Variants in TBC1D10C observed in about 807,000 individuals in gnomAD.
TBC1D10C encodes the protein TBC1 domain family member 10C, also known as carabin.
Under a neutral mutation model 51.0 loss-of-function variants are expected in TBC1D10C, and 49 were observed. The ratio of observed to expected loss-of-function variants is 0.96; its 90% CI spans 0.76 to 1.22. The LOEUF (loss-of-function observed/expected upper bound fraction) is 1.22, where lower values mean the gene tolerates loss of function less well. TBC1D10C is among the 50% of genes most tolerant of loss of function. The probability of loss-of-function intolerance (pLI) is 0.00; values close to 1 mark genes in which losing one functional copy is unlikely to be tolerated. For synonymous variants in TBC1D10C, 281 were observed against 266.7 expected (o/e 1.05, Z -0.52); for missense variants, 541 against 617.5 (o/e 0.88, Z 1.31).
chr11:67,408,844 C>A, intron 7 of TBC1D10C, 135 bp from the exon 8 acceptor site: 2 of 1,205,612 alleles, frequency 1.7e-6, no homozygotes, highest in Non-Finnish European at 2.2e-6. Context: ...TGCAACTCCA[C>A]CCTCTGTCAT....
At position 67,409,604 on chromosome 11, in the gene TBC1D10C, GC is replaced by G. The variant is rs1254637311; in HGVS notation, c.1196del (p.Pro399ArgfsTer22). ...CTGAGGTGCCTCGGATTGTGGTGCAGCCCCCGGAGGAGCCCAGACCACCGCG... is the reference window on the plus strand; with the variant it reads ...CTGAGGTGCCTCGGATTGTGGTGCAGCCCCGGAGGAGCCCAGACCACCGCG... ...KPEVPRIVVQ[P>X]PEEPRPPRRK... On this transcript the variant is annotated frameshift_variant, in exon 9 of 9. Coordinates refer to ENST00000542590, the MANE Select transcript of TBC1D10C (RefSeq NM_001369496.1). LOFTEE classifies it high-confidence loss of function. 3 of 1,552,056 alleles carry G rather than the reference GC, an allele frequency of 1.9e-6. No homozygotes were observed. The highest frequency in any genetic ancestry group is 2.4e-5 in the East Asian group (1 of 41,480).
Position 67,409,694 on chromosome 11 carries a change from C to CA in TBC1D10C, c.1282dup (p.Ile428AsnfsTer26). 1 of 1,596,242 alleles carries CA rather than the reference C, an allele frequency of 6.3e-7. No homozygotes were observed. Among genetic ancestry groups the CA allele is most frequent in the Non-Finnish European group, 8.5e-7 (1 of 1,177,958 alleles). Reference sequence around the variant, plus strand: ...TCCTGACTCGGGCCCGGGGCCCCCCCATCGAGGGGCCCCCCAGGCCCCAAC... The same window carrying CA: ...TCCTGACTCGGGCCCGGGGCCCCCCCAATCGAGGGGCCCCCCAGGCCCCAAC... On this transcript the variant is annotated frameshift_variant, in exon 9 of 9. Coordinates refer to ENST00000542590, the MANE Select transcript of TBC1D10C (RefSeq NM_001369496.1). LOFTEE classifies it high-confidence loss of function.
intron 1 of TBC1D10C, 58 bp from the exon 2 acceptor site, chr11:67,405,027 G>A (rs1863085744): frequency 6.8e-6 from 10 of 1,480,940 alleles, no homozygotes; most frequent in Non-Finnish European, 9.1e-6. Context: ...GAGGGTGGCA[G>A]TGTGGGCCTT....
At chr11:67,407,660 G>A (rs1239676534) in intron 7 of TBC1D10C, 1 of 152,612 alleles carries the variant, frequency 6.6e-6, no homozygotes, top group South Asian at 2.1e-4. Context: ...TGAAGCCAGA[G>A]AGGTGGAGGC....
chr11:67,405,357 G>A, intron 2 of TBC1D10C, 42 bp from the exon 3 acceptor site: 1 of 1,595,548 alleles, frequency 6.3e-7, no homozygotes, highest in Non-Finnish European at 8.6e-7. Context: ...GCCAGCAGGA[G>A]CTATGGAGGC....
In TBC1D10C at chr11:67,409,016, G is replaced by A. The variant is rs976764282; in HGVS notation, c.876G>A (p.Val292=). 3 of 1,573,478 alleles carry A rather than the reference G, an allele frequency of 1.9e-6. No homozygotes were observed. The highest frequency in any genetic ancestry group is 4.7e-5 in the East Asian group (2 of 42,560). The stretch of plus-strand genomic sequence containing the variant: ...TGTTCCGTGTGGGGCTGACACTGGT[G>A]CGCCTGGCGCTGGGCACTGCAGAGC... ...RVLFRVGLTL[V]RLALGTAEQR... The change falls in exon 8 of 9, where the codon GTG becomes GTA. Residue 292 remains valine (V), a synonymous_variant. Transcript: ENST00000542590.
Position 67,409,076 on chromosome 11 carries a change from G to A in TBC1D10C, c.936G>A (p.Leu312=), listed in dbSNP as rs2135050987. The A allele has an allele frequency of 6.2e-7, 1 of 1,604,278 alleles. No homozygotes were observed. Among genetic ancestry groups the A allele is most frequent in the Non-Finnish European group, 8.5e-7 (1 of 1,176,942 alleles). Residue 312 remains leucine (L), a synonymous_variant, in exon 8 of 9, where the codon CTG becomes CTA. Transcript: ENST00000542590. ...RGACPGLLET[L]GALRAIPPAQ... ...CCTGCCCTGGCCTCCTGGAGACACT[G>A]GGAGCCCTTCGAGCCATCCCCCCCG...
intron 1 of TBC1D10C, 59 bp downstream of exon 1, chr11:67,404,413 C>A: frequency 6.8e-7 from 1 of 1,465,640 alleles, no homozygotes; most frequent in Non-Finnish European, 9.1e-7. Flanking sequence ...GGGCTGAGGG[C>A]TGAATTCTGG....
intron 7 of TBC1D10C, 84 bp downstream of exon 7, chr11:67,407,100 G>A: frequency 6.9e-7 from 1 of 1,456,266 alleles, no homozygotes; most frequent in East Asian, 2.3e-5. Flanking sequence ...TTCCCTTTTT[G>A]AGCCTCAAAT....
rs1209367412 is a variant in TBC1D10C at position 67,409,480 on chromosome 11, C to T, written c.1067C>T (p.Ser356Phe). The T allele has an allele frequency of 1.3e-6, 2 of 1,548,780 alleles. No individual in the cohort carries two copies. The highest frequency in any genetic ancestry group is 1.7e-6 in the Non-Finnish European group (2 of 1,146,428). The change falls in exon 9 of 9, where the codon TCC becomes TTC. Residue 356 changes from serine to phenylalanine, a missense_variant. Transcript: ENST00000542590. ...GCCCAGCTGGCCCAGCTGCCCGATT[C>T]CGCGCCGGGACCCCCGCCCCGGCCA... Reference protein sequence around the residue: ...IKAQLAQLPDSAPGPPPRPQV... With the variant: ...IKAQLAQLPDFAPGPPPRPQV...
chr11:67,409,758 G>C lies in TBC1D10C; in HGVS notation c.*4G>C. On this transcript the variant is annotated 3_prime_UTR_variant, in exon 9 of 9. Coordinates refer to ENST00000542590, the MANE Select transcript of TBC1D10C (RefSeq NM_001369496.1). ...CTTCCTGGACACCCGCTTCTGAGAG[G>C]ACCATGGACTTAGTGTCCCCCAGTC... is the stretch of plus-strand genomic sequence containing the variant. 1 of 1,574,090 alleles carries C rather than the reference G, an allele frequency of 6.4e-7. No homozygotes were observed. The highest frequency in any genetic ancestry group is 8.5e-7 in the Non-Finnish European group (1 of 1,172,124).
rs201081455 is a variant in TBC1D10C at position 67,405,120 on chromosome 11, G to A, written c.188G>A (p.Arg63Gln). The change falls in exon 2 of 9, where the codon CGG becomes CAG. Residue 63 changes from arginine (R) to glutamine (Q), a missense_variant. Arg to Gln is a conservative substitution (Grantham distance 43). Transcript: ENST00000542590. ...GHPPADLIRQ[R>Q]EMKWVEMTSH... ...CCACCTGCAGACCTCATCCGCCAAC[G>A]GGAGATGAAGTGGGTGGAGATGACC... 7.8e-5 allele frequency: 121 copies of A among 1,551,430 alleles called. No homozygotes were observed. Among genetic ancestry groups the A allele is most frequent in the Middle Eastern group, 3.3e-4 (2 of 5,976 alleles).
intron 7 of TBC1D10C, 178 bp downstream of exon 7, chr11:67,407,194 C>A: frequency 1.3e-6 from 1 of 765,202 alleles, no homozygotes; most frequent in Non-Finnish European, 2.0e-6. Flanking sequence ...CCGCCTGGTG[C>A]AGAGCTGGGC....
chr11:67,405,052 C>T (rs1254267159), intron 1 of TBC1D10C, 33 bp from the exon 2 acceptor site: 2 of 1,537,710 alleles, frequency 1.3e-6, no homozygotes, highest in African/African-American at 2.7e-5. Flanking sequence ...AACAGCTGCC[C>T]AGCGTCTGGA....
In TBC1D10C at chr11:67,405,476, G is replaced by A. The variant is rs1863114990; in HGVS notation, c.330G>A (p.Val110=). 6.2e-7 allele frequency: 1 copy of A among 1,613,294 alleles called. No individual in the cohort carries two copies. The highest frequency in any genetic ancestry group is 1.3e-5 in the African/African-American group (1 of 74,790). ...GGCCCCTGTTGTGTGGGGCCCATGT[G>A]TGCCAGAAGAACAGCCCTGGCACCT... is the stretch of plus-strand genomic sequence containing the variant. The part of the protein sequence containing the change: ...RCWPLLCGAH[V]CQKNSPGTYQ... Residue 110 remains valine (V), a synonymous_variant, in exon 3 of 9, where the codon GTG becomes GTA. Transcript: ENST00000542590.
chr11:67,406,438 CCT>C, intron 5 of TBC1D10C, 187 bp from the exon 6 acceptor site: 2 of 607,156 alleles, frequency 3.3e-6, no homozygotes, highest in East Asian at 2.8e-5. Flanking sequence ...CTCAGCAGAC[CCT>C]GTCTTGGGCA....
Position 67,405,654 on chromosome 11 carries a change from C to T in TBC1D10C, c.420C>T (p.His140=), listed in dbSNP as rs112741882. The T allele has an allele frequency of 4.5e-5, 73 of 1,613,856 alleles. 1 individual carries two copies. Among genetic ancestry groups the T allele is most frequent in the African/African-American group, 2.4e-4 (18 of 75,042 alleles). ...QWMETIGRDL[H]RQFPLHEMFV... ...TGGAGACCATTGGCAGGGACCTGCACCGTCAATTCCCTCTGCACGAGATGT... is the reference window on the plus strand; with the variant it reads ...TGGAGACCATTGGCAGGGACCTGCATCGTCAATTCCCTCTGCACGAGATGT... The change falls in exon 4 of 9, where the codon CAC becomes CAT. Residue 140 remains histidine (H), a synonymous_variant. Transcript: ENST00000542590.
rs1863143266 is a variant in TBC1D10C, at chr11:67,405,933, C to T, written c.498C>T (p.Ala166=). The T allele has an allele frequency of 6.2e-7, 1 of 1,604,044 alleles. No individual in the cohort carries two copies. Among genetic ancestry groups the T allele is most frequent in the East Asian group, 2.2e-5 (1 of 44,480 alleles). Residue 166 remains alanine (A), a synonymous_variant, in exon 5 of 9, where the codon GCC becomes GCT. Coordinates refer to ENST00000542590, the MANE Select transcript of TBC1D10C (RefSeq NM_001369496.1). ...AGGGGCTCCTGCAGGTGCTCAAGGCCTACACCCTGTATCGACCGGAGCAGG... is the reference window on the plus strand; with the variant it reads ...AGGGGCTCCTGCAGGTGCTCAAGGCTTACACCCTGTATCGACCGGAGCAGG... ...GQQGLLQVLK[A]YTLYRPEQGY...
rs763888603 is a variant in TBC1D10C, at chr11:67,405,631, G to C, written c.397G>C (p.Glu133Gln). Reference sequence around the variant, plus strand: ...GGCCCCTGGAGACCCACAGTGGATGGAGACCATTGGCAGGGACCTGCACCG... The same window carrying C: ...GGCCCCTGGAGACCCACAGTGGATGCAGACCATTGGCAGGGACCTGCACCG... ...AEAPGDPQWM[E>Q]TIGRDLHRQF... Residue 133 changes from glutamate to glutamine, a missense_variant, in exon 4 of 9, where the codon GAG (glutamate) becomes CAG (glutamine). By Grantham distance (29) the Glu-to-Gln change is conservative. Coordinates refer to ENST00000542590, the MANE Select transcript of TBC1D10C (RefSeq NM_001369496.1). 2 of 1,613,944 alleles carry C rather than the reference G, an allele frequency of 1.2e-6. No homozygotes were observed. Among genetic ancestry groups the C allele is most frequent in the South Asian group, 1.1e-5 (1 of 91,088 alleles).
Sources: gnomAD v4.1 joint callset for allele counts on GRCh38, gnomAD v4.1.1 for gene constraint, MANE v1.5 for transcripts, NCBI Gene and HGNC (gene_info 2026-07-23, HGNC 2026-07-21) for gene names.